Variants in PIEZO1 observed in about 807,000 individuals in gnomAD.
PIEZO1 encodes the protein piezo type mechanosensitive ion channel component 1 (Er blood group).
Under a neutral mutation model 297.2 loss-of-function variants are expected in PIEZO1, and 296 were observed. The ratio of observed to expected loss-of-function variants is 1.00; its 90% CI spans 0.91 to 1.10. PIEZO1 has a LOEUF of 1.10. Ranked by LOEUF, PIEZO1 falls within the 50% of genes least tolerant of loss-of-function variation. PIEZO1 has a pLI of 0.00. For missense variants in PIEZO1, 5,018 were observed against 3,455.5 expected, an observed-to-expected ratio of 1.45 and a Z score of -11.34; for synonymous variants, 2,427 against 1,507.5, an observed-to-expected ratio of 1.61 and a Z score of -14.13.
At chr16:88,720,893 G>C in intron 39 of PIEZO1, 145 bp from the exon 40 acceptor site, 1 of 1,041,396 alleles carries the variant, frequency 9.6e-7, no homozygotes, top group Non-Finnish European at 1.3e-6. Context: ...CACTGGCAAG[G>C]AGACAGCTGG....
Position 88,717,225 on chromosome 16 carries a change from A to C in PIEZO1, c.6472-14T>G. On this transcript the variant is annotated splice_polypyrimidine_tract_variant and intron_variant, in intron 44 of 50. Transcript: ENST00000301015. ...CTGCGGGTATTTCTGGAGGGGAACGACACAGGTCATACGCTCAGCTCTGCC... is the reference window on the plus strand; with the variant it reads ...CTGCGGGTATTTCTGGAGGGGAACGCCACAGGTCATACGCTCAGCTCTGCC... 6.5e-7 allele frequency: 1 copy of C among 1,545,326 alleles called. No individual in the cohort carries two copies. The highest frequency in any genetic ancestry group is 8.7e-7 in the Non-Finnish European group (1 of 1,146,222).
chr16:88,725,069 G>T lies in PIEZO1; in HGVS notation c.4174C>A (p.Pro1392Thr), dbSNP rs1427310213. ...CTCCGTGGCGGGGAGGAGCCCCCTG[G>T]ACTGTCGGGCCCTGTGGAGGGGCAG... ...DPGLEPGPDS[P>T]GGSSPPRRQW... Residue 1392 changes from proline to threonine, a missense_variant, in exon 30 of 51, where the codon CCA becomes ACA. By Grantham distance (38) the Pro-to-Thr change is conservative. Coordinates refer to ENST00000301015, the MANE Select transcript of PIEZO1 (RefSeq NM_001142864.4). 5 of 1,512,032 alleles carry T rather than the reference G, an allele frequency of 3.3e-6. No homozygotes were observed. The Admixed American group carries it at 7.0e-5, about 21-fold the overall frequency. The allele number at this position is 1,512,032 out of a possible 1,614,324, so 93.7% of individuals were successfully genotyped here. A position where few individuals can be genotyped will look rare whatever the true frequency, so the allele number is the denominator to read the frequency against.
intron 31 of PIEZO1, 114 bp from the exon 32 acceptor site, chr16:88,723,442 G>C (rs1438510780): frequency 1.5e-5 from 18 of 1,240,416 alleles, no homozygotes; most frequent in Non-Finnish European, 1.7e-5. Flanking sequence ...GTGTCTCCCA[G>C]GGACCTCCGT....
At chr16:88,784,786 TCCGCGCCCGCTCGC>T (rs1908102181) in intron 1 of PIEZO1, 101 bp downstream of exon 1, 9 of 732,410 alleles carry the variant, frequency 1.2e-5, no homozygotes, top group Non-Finnish European at 1.7e-5. Flanking sequence ...CCTGGGAATT[TCCGCGCCCGCTCGC>T]CCGCAGCCCT....
At chr16:88,737,669 C>T in intron 9 of PIEZO1, 23 bp from the exon 10 acceptor site, 1 of 1,533,584 alleles carries the variant, frequency 6.5e-7, no homozygotes, top group Non-Finnish European at 8.7e-7. Context: ...AGCGCTGAGC[C>T]ATGCACGGGC....
intron 1 of PIEZO1, among the ~76,000 whole-genome samples, chr16:88,783,697 G>A (rs494299): frequency 0.3 from 45,748 of 152,076 alleles, 7,807 homozygotes; most frequent in East Asian, 0.42. Context: ...AGGGCTGACC[G>A]CACTGAAGAG....
intron 47 of PIEZO1, 31 bp from the exon 48 acceptor site, chr16:88,716,514 T>C: frequency 6.5e-7 from 1 of 1,538,322 alleles, no homozygotes; most frequent in Non-Finnish European, 8.8e-7. Context: ...TGACCCACTG[T>C]AGTGGGTCCA....
rs1341043920 is a variant in PIEZO1 at position 88,719,697 on chromosome 16, C to A, written c.6348G>T (p.Val2116=). 6.4e-7 allele frequency: 1 copy of A among 1,552,088 alleles called. No individual in the cohort carries two copies. The highest frequency in any genetic ancestry group is 8.7e-7 in the Non-Finnish European group (1 of 1,147,936). The change falls in exon 44 of 51, where the codon GTG becomes GTT. Residue 2116 remains valine, a synonymous_variant. Coordinates refer to ENST00000301015, the MANE Select transcript of PIEZO1 (RefSeq NM_001142864.4). ...FQGFRLVPFL[V]ELRAVMDWVW... is the part of the protein sequence containing the mutation. ...CCCAGTCCATCACTGCCCGCAGCTC[C>A]ACCAGGAACGGCACCAGCCGGAACC...
chr16:88,772,920 C>T (rs954864334), intron 1 of PIEZO1, among the ~76,000 whole-genome samples: 22 of 152,290 alleles, frequency 1.4e-4, no homozygotes, highest in African/African-American at 5.1e-4. Flanking sequence ...CATGGCAGGG[C>T]CAGCCTCCCC....
chr16:88,729,936 T>C (rs199559031), intron 22 of PIEZO1, among the ~76,000 whole-genome samples: 7 of 150,918 alleles, frequency 4.6e-5, no homozygotes, highest in Admixed American at 2.6e-4. Flanking sequence ...ACCCTCGATG[T>C]TGGGGAACCC....
In PIEZO1 at chr16:88,735,039, G is replaced by C. The variant is rs1017268345; in HGVS notation, c.1684C>G (p.Gln562Glu). Residue 562 changes from glutamine to glutamate, a missense_variant, in exon 14 of 51, where the codon CAG becomes GAG. Coordinates refer to ENST00000301015, the MANE Select transcript of PIEZO1 (RefSeq NM_001142864.4). ...TVADTEPTRT[Q>E]TLLQSLGELV... ...TCCCCCAGGCTCTGCAACAGCGTCT[G>C]CGTCCGCGTGGGCTCTGTGGGCCAA... The C allele has an allele frequency of 7.1e-6, 11 of 1,550,390 alleles. No individual in the cohort carries two copies. Among genetic ancestry groups the C allele is most frequent in the East Asian group, 4.9e-5 (2 of 40,926 alleles).
intron 2 of PIEZO1, among the ~76,000 whole-genome samples, chr16:88,744,863 G>C (rs1355300547): frequency 2.0e-5 from 3 of 151,952 alleles, no homozygotes; most frequent in Admixed American, 6.6e-5. Flanking sequence ...ACCCCGGGAA[G>C]AGACGCTGCT....
At position 88,741,550 on chromosome 16, in the gene PIEZO1, G is replaced by A. The variant is rs1905659550; in HGVS notation, c.393C>T (p.Val131=). The A allele has an allele frequency of 2.0e-6, 3 of 1,535,626 alleles. No homozygotes were observed. The South Asian group carries it at 3.6e-5, about 18-fold the overall frequency. The change falls in exon 5 of 51, where the codon GTC becomes GTT. Residue 131 remains valine (V), a synonymous_variant. Transcript: ENST00000301015. ...CGCAGATGCCGAGGCAGACAGAGGA[G>A]ACCACCAAGATGCCCAGGTCAGGGG... is the stretch of plus-strand genomic sequence containing the variant. ...LVAPDLGILV[V]SSVCLGICGR... is the part of the protein sequence containing the mutation.
chr16:88,759,079 T>G (rs576152369), intron 1 of PIEZO1, among the ~76,000 whole-genome samples: 1 of 152,324 alleles, frequency 6.6e-6, no homozygotes, highest in South Asian at 2.1e-4. Flanking sequence ...CATGCGTTGC[T>G]GGAGTTATCA....
rs1376006262 is a variant in PIEZO1, at chr16:88,722,972, C to T, written c.4533G>A (p.Ala1511=). The change falls in exon 34 of 51, where the codon GCG becomes GCA. Residue 1511 remains alanine (A), a synonymous_variant. Coordinates refer to ENST00000301015, the MANE Select transcript of PIEZO1 (RefSeq NM_001142864.4). ...CCTGCCCCAGCATCCACAGGAACTG[C>T]GCCGTGCTCAGCACCCTCTGCACCA... ...SHVVQRVLST[A]QFLWMLGQAL... is the part of the protein sequence containing the mutation. The T allele has an allele frequency of 4.5e-6, 7 of 1,548,374 alleles. No homozygotes were observed. The highest frequency in any genetic ancestry group is 4.1e-5 in the African/African-American group (3 of 73,016).
Position 88,721,961 on chromosome 16 carries a change from C to T in PIEZO1, c.5061G>A (p.Ser1687=), listed in dbSNP as rs528777291. ...TGATGATGAAGTAGCAGAGCAGCTC[C>T]GAGTGGGCGGCCACACACTGGTACA... ...RAVYQCVAAH[S]ELLCYFIIIL... Residue 1687 remains serine (S), a synonymous_variant, in exon 37 of 51, where the codon TCG becomes TCA. Coordinates refer to ENST00000301015, the MANE Select transcript of PIEZO1 (RefSeq NM_001142864.4). The T allele has an allele frequency of 3.0e-5, 47 of 1,550,074 alleles. No individual in the cohort carries two copies. The highest frequency in any genetic ancestry group is 4.1e-5 in the African/African-American group (3 of 73,162).
At chr16:88,730,581 G>A (rs1456586850) in intron 22 of PIEZO1, among the ~76,000 whole-genome samples, 4 of 123,346 alleles carry the variant, frequency 3.2e-5, no homozygotes, top group African/African-American at 1.3e-4. Flanking sequence ...CTGGGTGACA[G>A]AGCAAGACTC....
At position 88,727,141 on chromosome 16, in the gene PIEZO1, G is replaced by T; in HGVS notation, c.3353C>A (p.Ala1118Asp). ...CASQQWQVFS[A>D]ERTEEWQRMA... ...GCGCTGCCACTCCTCTGTGCGCTCA[G>T]CTGAGAACACCTGCCACTGCTGGGA... The change falls in exon 24 of 51, where the codon GCT becomes GAT. Residue 1118 changes from alanine (A) to aspartate (D), a missense_variant. Ala to Asp is a moderately radical substitution (Grantham distance 126). Transcript: ENST00000301015. 2 of 1,549,526 alleles carry T rather than the reference G, an allele frequency of 1.3e-6. No homozygotes were observed. Among genetic ancestry groups the T allele is most frequent in the Non-Finnish European group, 1.7e-6 (2 of 1,146,402 alleles).
At chr16:88,769,076 C>A (rs527734357) in intron 1 of PIEZO1, among the ~76,000 whole-genome samples, 1 of 152,308 alleles carries the variant, frequency 6.6e-6, no homozygotes, top group South Asian at 2.1e-4. Context: ...TCCAAAGGGG[C>A]CAGAAGTATT....
Sources: gnomAD v4.1 joint callset for allele counts (sites outside exome capture counted in the v4.1 genomes callset) on GRCh38, gnomAD v4.1.1 for gene constraint, MANE v1.5 for transcripts, NCBI Gene and HGNC (gene_info 2026-07-23, HGNC 2026-07-21) for gene names.